Variants in TMPRSS9 observed in about 807,000 individuals in gnomAD.
TMPRSS9 encodes transmembrane protease serine 9.
A neutral mutation model predicts 111.4 loss-of-function variants in TMPRSS9; 113 were observed. The ratio of observed to expected loss-of-function variants is 1.01; its 90% confidence interval spans 0.87 to 1.19. TMPRSS9 has a LOEUF of 1.19. Ranked by LOEUF, TMPRSS9 falls within the 50% of genes most tolerant of loss-of-function variation. The probability of loss-of-function intolerance (pLI) is 0.00; values close to 1 mark genes in which losing one functional copy is unlikely to be tolerated. For synonymous variants in TMPRSS9, 805 were observed against 659.1 expected (o/e 1.22, Z -3.39); for missense variants, 1,803 against 1,513.1 (o/e 1.19, Z -3.18).
chr19:2,421,915 T>C (rs758358004), exon 14 of TMPRSS9: 1 of 1,613,008 alleles, frequency 6.2e-7, no homozygotes, highest in East Asian at 2.2e-5. Flanking sequence ...CTGGCAGGGA[T>C]CGTGAGCTGG....
At chr19:2,424,245 A>G in exon 15 of TMPRSS9, 1 of 1,397,932 alleles carries the variant, frequency 7.2e-7, no homozygotes, top group African/African-American at 1.5e-5. Context: ...TCGGCGGCGC[A>G]CTGCTTCGAC....
intron 1 of TMPRSS9, among the ~76,000 whole-genome samples, chr19:2,369,487 T>C (rs1394396614): frequency 6.6e-6 from 1 of 151,998 alleles, no homozygotes; most frequent in Non-Finnish European, 1.5e-5. Context: ...TGTAGTGGCT[T>C]GATCGCAGCT....
chr19:2,378,344 A>G (rs1970355434), intron 1 of TMPRSS9, among the ~76,000 whole-genome samples: 1 of 152,166 alleles, frequency 6.6e-6, no homozygotes, highest in Non-Finnish European at 1.5e-5. Context: ...CTGAACAGGG[A>G]CAGTCCTGGG....
At chr19:2,415,684 C>T in exon 11 of TMPRSS9, 1 of 1,600,050 alleles carries the variant, frequency 6.2e-7, no homozygotes. Context: ...TGGGGCCAGG[C>T]CTGCAATGGA....
exon 6 of TMPRSS9, chr19:2,403,140 C>A (rs1372273515): frequency 6.2e-7 from 1 of 1,612,544 alleles, no homozygotes; most frequent in Non-Finnish European, 8.5e-7. Flanking sequence ...CCAAGGTGAA[C>A]CCGGAGTGTG....
chr19:2,422,756 C>T (rs941778062), intron 14 of TMPRSS9, among the ~76,000 whole-genome samples: 22 of 152,068 alleles, frequency 1.4e-4, no homozygotes, highest in African/African-American at 4.6e-4. Context: ...GGCATGGTGA[C>T]AGGTGCCTGT....
At chr19:2,413,779 G>C in exon 10 of TMPRSS9, 1 of 1,613,922 alleles carries the variant, frequency 6.2e-7, no homozygotes, top group East Asian at 2.2e-5. Flanking sequence ...TGGGGAATCG[G>C]GTGTGCGGAA....
Position 2,393,662 on chromosome 19 carries a change from G to A in TMPRSS9, c.143-2877G>A, listed in dbSNP as rs141641285. Reference sequence around the variant, plus strand: ...CCCCGGTAATCCCAGCACTTTGGGAGGCTGAGGCAGGTAGATCATGAGGTC... The same window carrying A: ...CCCCGGTAATCCCAGCACTTTGGGAAGCTGAGGCAGGTAGATCATGAGGTC... On this transcript the variant is annotated intron_variant, in intron 1 of 17. Coordinates refer to ENST00000648592, the Ensembl canonical transcript of TMPRSS9. Among the ~76,000 whole-genome samples, 1,049 of 152,212 alleles carry A rather than the reference G, an allele frequency of 6.9e-3. 15 individuals are homozygous for A. Among genetic ancestry groups the A allele is most frequent in the African/African-American group, 0.024 (995 of 41,542 alleles).
At chr19:2,373,782 G>A (rs561977188) in intron 1 of TMPRSS9, among the ~76,000 whole-genome samples, 112 of 152,386 alleles carry the variant, frequency 7.3e-4, no homozygotes, top group African/African-American at 1.6e-3. Flanking sequence ...TTACAGGCAT[G>A]AGCCACAGTG....
At chr19:2,395,444 G>C (rs1970686140) in intron 1 of TMPRSS9, among the ~76,000 whole-genome samples, 2 of 151,004 alleles carry the variant, frequency 1.3e-5, no homozygotes, top group South Asian at 4.2e-4. Context: ...AAACAAACAA[G>C]GCCGGGCGCG....
At chr19:2,401,527 G>A (rs1970847164) in intron 4 of TMPRSS9, among the ~76,000 whole-genome samples, 1 of 152,124 alleles carries the variant, frequency 6.6e-6, no homozygotes, top group Non-Finnish European at 1.5e-5. Context: ...ATTGAAGGCA[G>A]AATTTAAGTG....
At position 2,391,237 on chromosome 19, in the gene TMPRSS9, C is replaced by CAAAAA. The variant is rs10650164; in HGVS notation, c.142+1328_142+1332dup. On this transcript the variant is annotated intron_variant, in intron 1 of 17. Coordinates refer to ENST00000648592, the Ensembl canonical transcript of TMPRSS9. Reference sequence around the variant, plus strand: ...CCTGGGCAACAGAGCAATTCCATCTCAAAAAAAAAAAAAAAAAAAAAAGTT... The same window carrying CAAAAA: ...CCTGGGCAACAGAGCAATTCCATCTCAAAAAAAAAAAAAAAAAAAAAAAAAAAGTT... Among the ~76,000 whole-genome samples, 45 of 52,942 alleles carry CAAAAA rather than the reference C, an allele frequency of 8.5e-4. 1 individual carries two copies. Among genetic ancestry groups the CAAAAA allele is most frequent in the Admixed American group, 2.4e-3 (8 of 3,308 alleles). The allele number at this position is 52,942 out of a possible 152,430, so 34.7% of individuals were successfully genotyped here.
chr19:2,370,976 G>A (rs1280061669), intron 1 of TMPRSS9, among the ~76,000 whole-genome samples: 5 of 151,938 alleles, frequency 3.3e-5, no homozygotes, highest in African/African-American at 1.2e-4. Flanking sequence ...AGAAAAAAAT[G>A]CATGACAATA....
chr19:2,360,672 C>T (rs572844628), intron 1 of TMPRSS9, among the ~76,000 whole-genome samples: 29 of 148,668 alleles, frequency 2.0e-4, no homozygotes, highest in African/African-American at 6.9e-4. Context: ...CGTGTAGATG[C>T]GGCAGGGGTT....
At chr19:2,388,429 T>C (rs1404155028), upstream of TMPRSS9, among the ~76,000 whole-genome samples, 2 of 151,914 alleles carry the variant, frequency 1.3e-5, no homozygotes, top group African/African-American at 4.8e-5. Context: ...AAAGAGAGAC[T>C]GGAAGAGGCT....
chr19:2,379,179 C>T (rs112785999), intron 1 of TMPRSS9, among the ~76,000 whole-genome samples: 1,303 of 114,808 alleles, frequency 0.011, 56 homozygotes, highest in African/African-American at 0.032. Context: ...GAGCTTCTTT[C>T]TCTTTTTTTT....
At chr19:2,396,619 G>A in exon 2 of TMPRSS9, 3 of 1,604,002 alleles carry the variant, frequency 1.9e-6, no homozygotes, top group Non-Finnish European at 2.6e-6. Flanking sequence ...TTTGCGGCGG[G>A]AGACCTCGGA....
At chr19:2,375,370 G>A (rs1298934602) in intron 1 of TMPRSS9, among the ~76,000 whole-genome samples, 3 of 151,836 alleles carry the variant, frequency 2.0e-5, no homozygotes, top group Non-Finnish European at 4.4e-5. Flanking sequence ...ATGGAGGGGT[G>A]GGCCCTGTGA....
At chr19:2,396,404 T>G in intron 1 of TMPRSS9, 135 bp from the exon 3 acceptor site, 1 of 1,077,356 alleles carries the variant, frequency 9.3e-7, no homozygotes, top group Non-Finnish European at 1.3e-6. Flanking sequence ...CACGGGGGCG[T>G]CGACCACCCC....
Sources: gnomAD v4.1 joint callset for allele counts (sites outside exome capture counted in the v4.1 genomes callset) on GRCh38, gnomAD v4.1.1 for gene constraint, MANE v1.5 for transcripts, NCBI Gene and HGNC (gene_info 2026-07-23, HGNC 2026-07-21) for gene names.